WSCD2: variants seen among roughly 807,000 people sequenced by gnomAD.
WSCD2 encodes the protein WSC domain sialate O sulfotransferase 2.
WSCD2 carries 28 observed loss-of-function variants against 55.7 expected under a neutral mutation model. That is an observed-to-expected ratio of 0.50 (90% confidence interval 0.37 to 0.69). The LOEUF is 0.69. Among genes scored for constraint, WSCD2 ranks in the 30% least tolerant of loss-of-function variants. The pLI is 0.00. For missense variants in WSCD2, 616 were observed against 762.1 expected (o/e 0.81, Z 2.26); for synonymous variants, 301 against 301.9 (o/e 1.00, Z 0.03).
At chr12:108,192,514 G>A (rs1003080988) in intron 1 of WSCD2, among the ~76,000 whole-genome samples, 13 of 152,126 alleles carry the variant, frequency 8.5e-5, no homozygotes, top group African/African-American at 1.2e-4. Context: ...CATCTGGCAC[G>A]TGTTGGCACG....
chr12:108,241,079 AC>A (rs1382377236), intron 8 of WSCD2, among the ~76,000 whole-genome samples: 4 of 152,174 alleles, frequency 2.6e-5, no homozygotes, highest in Non-Finnish European at 4.4e-5. Flanking sequence ...CTGTGTTGCC[AC>A]AAGGTCCTGA....
At chr12:108,217,348 C>T (rs1886961832) in intron 4 of WSCD2, among the ~76,000 whole-genome samples, 1 of 152,208 alleles carries the variant, frequency 6.6e-6, no homozygotes, top group East Asian at 1.9e-4. Flanking sequence ...TAGCCACTTC[C>T]CTTTCATTTT....
intron 1 of WSCD2, among the ~76,000 whole-genome samples, chr12:108,190,048 C>A (rs780612010): frequency 1.3e-5 from 2 of 152,188 alleles, no homozygotes; most frequent in Non-Finnish European, 2.9e-5. Context: ...TTATTTAGTT[C>A]TCACGCTAAC....
chr12:108,224,490 C>T (rs1328990479), intron 4 of WSCD2, among the ~76,000 whole-genome samples: 1 of 152,228 alleles, frequency 6.6e-6, no homozygotes, highest in Admixed American at 6.5e-5. Flanking sequence ...AATCTCATCT[C>T]AGCGACCTGG....
intron 1 of WSCD2, among the ~76,000 whole-genome samples, chr12:108,191,083 TAGAGAC>T (rs925769484): frequency 9.2e-5 from 14 of 152,182 alleles, no homozygotes; most frequent in African/African-American, 3.4e-4. Context: ...TATGAACAAA[TAGAGAC>T]AGAGAGAAGT....
chr12:108,191,744 G>A (rs559517878), intron 1 of WSCD2, among the ~76,000 whole-genome samples: 16 of 152,206 alleles, frequency 1.1e-4, no homozygotes, highest in African/African-American at 2.9e-4. Flanking sequence ...TCCTCTGGGC[G>A]AGCCCCTGCC....
intron 1 of WSCD2, among the ~76,000 whole-genome samples, chr12:108,150,723 C>G (rs1172214556): frequency 6.6e-6 from 1 of 152,152 alleles, no homozygotes; most frequent in Non-Finnish European, 1.5e-5. Context: ...CTTTGGCACT[C>G]TCTCTGCCCA....
intron 6 of WSCD2, among the ~76,000 whole-genome samples, chr12:108,230,163 A>G (rs1888591561): frequency 6.6e-6 from 1 of 152,224 alleles, no homozygotes; most frequent in Non-Finnish European, 1.5e-5. Context: ...ACTAGTTAAT[A>G]TCAACTGGCT....
At chr12:108,160,706 C>T (rs1878972999) in intron 1 of WSCD2, among the ~76,000 whole-genome samples, 1 of 152,128 alleles carries the variant, frequency 6.6e-6, no homozygotes. Context: ...GACACAAATC[C>T]AAACCATGTC....
At chr12:108,151,514 A>T (rs533645070) in intron 1 of WSCD2, among the ~76,000 whole-genome samples, 86 of 152,328 alleles carry the variant, frequency 5.6e-4, no homozygotes, top group African/African-American at 1.9e-3. Flanking sequence ...GGATTCACTG[A>T]ATCAAGATCA....
chr12:108,223,248 G>A (rs933241622), intron 4 of WSCD2, among the ~76,000 whole-genome samples: 6 of 152,194 alleles, frequency 3.9e-5, no homozygotes, highest in Non-Finnish European at 7.3e-5. Flanking sequence ...GCCTAGCTAA[G>A]TTGACACATA....
intron 1 of WSCD2, among the ~76,000 whole-genome samples, chr12:108,134,816 A>G (rs1005824585): frequency 6.6e-6 from 1 of 152,188 alleles, no homozygotes; most frequent in African/African-American, 2.4e-5. Context: ...TGCACACACT[A>G]TGCCAGGAGC....
chr12:108,150,321 T>C (rs1014228206), intron 1 of WSCD2, among the ~76,000 whole-genome samples: 3 of 152,172 alleles, frequency 2.0e-5, no homozygotes, highest in Admixed American at 1.3e-4. Context: ...CCCCCTCTAA[T>C]TGTAAATAAG....
intron 1 of WSCD2, chr12:108,167,374 A>G (rs1320707662): frequency 1.3e-5 from 2 of 152,156 alleles, no homozygotes; most frequent in Non-Finnish European, 2.9e-5. Context: ...TTTGTTTCAG[A>G]AAGAACCTCC....
rs778391928 is a variant in WSCD2 at position 108,227,044 on chromosome 12, A to G, written c.859A>G (p.Thr287Ala). Residue 287 changes from threonine (T) to alanine (A), a missense_variant, in exon 6 of 9, where the codon ACC (threonine) becomes GCC (alanine). Thr to Ala is a moderately conservative substitution (Grantham distance 58, BLOSUM62 0). This residue lies in a region of WSCD2 where 374 missense variants were observed against 467.4 expected (regional missense o/e 0.80). Coordinates refer to ENST00000547525, the MANE Select transcript of WSCD2 (RefSeq NM_014653.4). ...CGCCTGCCACTGTGGGTTTCCCACC[A>G]CCCGATTCCCGCTCCATGACAGAGA... The part of the protein sequence containing the change: ...GTACHCGFPT[T>A]RFPLHDREDE... 6.2e-7 allele frequency: 1 copy of G among 1,614,136 alleles called. No individual in the cohort carries two copies. The highest frequency in any genetic ancestry group is 2.2e-5 in the East Asian group (1 of 44,868).
intron 1 of WSCD2, among the ~76,000 whole-genome samples, chr12:108,171,231 A>G (rs1880208793): frequency 6.6e-6 from 1 of 152,226 alleles, no homozygotes; most frequent in Admixed American, 6.5e-5. Flanking sequence ...CACGATCACC[A>G]TCTTGTCACT....
intron 6 of WSCD2, among the ~76,000 whole-genome samples, chr12:108,229,626 G>A (rs1888514703): frequency 6.6e-6 from 1 of 152,208 alleles, no homozygotes; most frequent in Non-Finnish European, 1.5e-5. Flanking sequence ...TGACAGTTCT[G>A]GATGGAAACC....
intron 2 of WSCD2, among the ~76,000 whole-genome samples, chr12:108,205,362 T>A (rs963969597): frequency 1.3e-5 from 2 of 152,238 alleles, no homozygotes; most frequent in African/African-American, 4.8e-5. Flanking sequence ...GGAGACAATG[T>A]ATGTAAAGCA....
Position 108,232,867 on chromosome 12 carries a change from C to G in WSCD2, c.1116C>G (p.Tyr372Ter), listed in dbSNP as rs767117895. 1 of 1,613,702 alleles carries G rather than the reference C, an allele frequency of 6.2e-7. No individual in the cohort carries two copies. Among genetic ancestry groups the G allele is most frequent in the Non-Finnish European group, 8.5e-7 (1 of 1,179,688 alleles). The change falls in exon 7 of 9, where the codon TAC (tyrosine) becomes TAG (stop). Residue 372 changes from tyrosine (Y) to a stop codon, truncating the protein, a stop_gained. Coordinates refer to ENST00000547525, the MANE Select transcript of WSCD2 (RefSeq NM_014653.4). LOFTEE classifies it high-confidence loss of function. ...ELATGFYTGS[Y>*]YFDGSLYNKG... is the part of the protein sequence containing the mutation. ...CCACAGGCTTCTACACTGGCAGCTA[C>G]TACTTCGATGGCTCCCTCTACAACA...
Sources: allele counts gnomAD v4.1 joint callset (sites outside exome capture counted in the v4.1 genomes callset), GRCh38; gene constraint gnomAD v4.1.1; regional missense constraint gnomAD v4.1.1; transcripts MANE v1.5; gene names NCBI Gene and HGNC (gene_info 2026-07-23, HGNC 2026-07-21).